Variants in TOGARAM1 observed in about 807,000 individuals in gnomAD.
TOGARAM1 encodes the protein TOG array regulator of axonemal microtubules protein 1.
A neutral mutation model predicts 166.6 loss-of-function variants in TOGARAM1; 100 were observed. That is an observed-to-expected ratio of 0.60 (90% CI 0.51 to 0.71). The LOEUF (loss-of-function observed/expected upper bound fraction) is 0.71. Among genes scored for constraint, TOGARAM1 ranks in the 30% least tolerant of loss-of-function variants. The pLI is 0.00. For missense variants in TOGARAM1, 2,029 were observed against 2,102.7 expected, an observed-to-expected ratio of 0.96 and a Z score of 0.69; for synonymous variants, 758 against 763.8, an observed-to-expected ratio of 0.99 and a Z score of 0.13.
At position 45,027,452 on chromosome 14, in the gene TOGARAM1, T is replaced by C. The variant is rs774794702; in HGVS notation, c.3482T>C (p.Leu1161Pro). 6.2e-7 allele frequency: 1 copy of C among 1,606,756 alleles called. No homozygotes were observed. The highest frequency in any genetic ancestry group is 1.1e-5 in the South Asian group (1 of 89,116). Residue 1161 changes from leucine to proline, a missense_variant, in exon 9 of 20, where the codon CTT becomes CCT. Physicochemically the swap from Leu to Pro is moderately conservative, Grantham distance 98. This residue lies in a region of TOGARAM1 where 1,453 missense variants were observed against 1,432.2 expected (regional missense o/e 1.01). Transcript: ENST00000361462. Reference sequence around the variant, plus strand: ...GTCCAGCAAAATATTTCATCATATCTTGATGTTGAGAATGAAAAAGATGTA... The same window carrying C: ...GTCCAGCAAAATATTTCATCATATCCTGATGTTGAGAATGAAAAAGATGTA... ...RSVQQNISSY[L>P]DVENEKDAKV...
At chr14:44,993,793 C>A (rs1887266237) in intron 1 of TOGARAM1, among the ~76,000 whole-genome samples, 1 of 152,176 alleles carries the variant, frequency 6.6e-6, no homozygotes, top group Non-Finnish European at 1.5e-5. Context: ...GCACACACCA[C>A]CACCCTCATC....
chr14:45,038,710 C>T (rs1161952942), intron 11 of TOGARAM1, among the ~76,000 whole-genome samples: 5 of 152,196 alleles, frequency 3.3e-5, no homozygotes, highest in Non-Finnish European at 7.3e-5. Flanking sequence ...TTCTCACCTT[C>T]TCGTTGCCCA....
chr14:44,971,330 T>C (rs555564582), intron 1 of TOGARAM1, among the ~76,000 whole-genome samples: 73 of 152,304 alleles, frequency 4.8e-4, no homozygotes, highest in Middle Eastern at 3.4e-3. Context: ...GGTTACCCAA[T>C]TTATAAGCAT....
chr14:45,019,331 A>C lies in TOGARAM1; in HGVS notation c.3239-6452A>C, dbSNP rs540893386. Among the ~76,000 whole-genome samples the C allele has an allele frequency of 2.6e-5, 4 of 152,080 alleles. No individual in the cohort carries two copies. The South Asian group carries it at 8.3e-4, about 32-fold the overall frequency. On this transcript the variant is annotated intron_variant, in intron 7 of 19. Coordinates refer to ENST00000361462, the MANE Select transcript of TOGARAM1 (RefSeq NM_001308120.2). ...CTGGTAAGGCTTCCCTCTTATTTTCATTCCTCTTAAATCCAGGCTGCATAG... is the reference window on the plus strand; with the variant it reads ...CTGGTAAGGCTTCCCTCTTATTTTCCTTCCTCTTAAATCCAGGCTGCATAG...
intron 10 of TOGARAM1, among the ~76,000 whole-genome samples, chr14:45,029,297 A>G (rs80156152): frequency 0.04 from 6,069 of 152,296 alleles, 208 homozygotes; most frequent in East Asian, 0.12. Context: ...CTTCCTACCT[A>G]ACTTAGCCAG....
intron 16 of TOGARAM1, among the ~76,000 whole-genome samples, chr14:45,063,476 A>T (rs1882991969): frequency 2.1e-5 from 3 of 141,104 alleles, no homozygotes; most frequent in Admixed American, 2.1e-4. Flanking sequence ...CTCATTTGAC[A>T]AAGTTTTTTT....
intron 7 of TOGARAM1, among the ~76,000 whole-genome samples, chr14:45,013,985 T>C (rs1879963936): frequency 1.3e-5 from 2 of 151,856 alleles, no homozygotes; most frequent in Non-Finnish European, 2.9e-5. Flanking sequence ...AGTGATCTCA[T>C]AATAGTATAA....
At chr14:44,990,080 G>T (rs1359156837) in intron 1 of TOGARAM1, among the ~76,000 whole-genome samples, 3 of 152,224 alleles carry the variant, frequency 2.0e-5, no homozygotes, top group Non-Finnish European at 4.4e-5. Context: ...CCCTTGATAT[G>T]TGGGGATTAT....
chr14:44,979,926 A>T (rs1171666388), intron 1 of TOGARAM1, among the ~76,000 whole-genome samples: 1 of 152,158 alleles, frequency 6.6e-6, no homozygotes, highest in Non-Finnish European at 1.5e-5. Context: ...GAGTGTGCTT[A>T]GTATGTGATT....
chr14:44,964,095 G>T lies in TOGARAM1; in HGVS notation c.1674G>T (p.Leu558=). 1 of 1,614,184 alleles carries T rather than the reference G, an allele frequency of 6.2e-7. No individual in the cohort carries two copies. ...ILFKAVDTVE[L]QDNGDGVMNA... ...TTAAAGCTGTGGATACAGTTGAACT[G>T]CAAGATAATGGAGATGGAGTGATGA... The change falls in exon 1 of 20, where the codon CTG becomes CTT. Residue 558 remains leucine, a synonymous_variant. Transcript: ENST00000361462.
chr14:44,963,241 G>C lies in TOGARAM1; in HGVS notation c.820G>C (p.Glu274Gln), dbSNP rs749828747. 6.2e-7 allele frequency: 1 copy of C among 1,614,180 alleles called. No individual in the cohort carries two copies. The highest frequency in any genetic ancestry group is 1.1e-5 in the South Asian group (1 of 91,084). The change falls in exon 1 of 20, where the codon GAG becomes CAG. Residue 274 changes from glutamate to glutamine, a missense_variant. Coordinates refer to ENST00000361462, the MANE Select transcript of TOGARAM1 (RefSeq NM_001308120.2). ...TGATCAGGAGACAGAAGAAGAATCT[G>C]AGACAGCTTTCTCCGCACTTCAACA... ...LGDQETEEES[E>Q]TAFSALQQIG...
At chr14:44,986,788 C>T (rs1181692481) in intron 1 of TOGARAM1, among the ~76,000 whole-genome samples, 3 of 151,126 alleles carry the variant, frequency 2.0e-5, no homozygotes, top group African/African-American at 4.9e-5. Flanking sequence ...GGGCAGATCA[C>T]GAGGTCAGGA....
chr14:45,049,736 A>G (rs28520409), intron 14 of TOGARAM1, among the ~76,000 whole-genome samples: 7,064 of 152,208 alleles, frequency 0.046, 535 homozygotes, highest in African/African-American at 0.16. Context: ...TTAAAGTTCT[A>G]CATATCACGT....
intron 16 of TOGARAM1, 48 bp downstream of exon 16, chr14:45,054,597 A>AG: frequency 7.6e-7 from 1 of 1,315,002 alleles, no homozygotes; most frequent in Non-Finnish European, 1.1e-6. Context: ...CCCTTGTGAT[A>AG]GTAGTCTCAT....
intron 11 of TOGARAM1, among the ~76,000 whole-genome samples, chr14:45,037,720 C>T (rs920713313): frequency 7.2e-5 from 11 of 151,994 alleles, no homozygotes; most frequent in African/African-American, 2.4e-4. Flanking sequence ...ATTAATAGAA[C>T]AAGTTGAAAG....
chr14:44,969,628 A>G (rs1885773673), intron 1 of TOGARAM1, among the ~76,000 whole-genome samples: 1 of 152,162 alleles, frequency 6.6e-6, no homozygotes, highest in African/African-American at 2.4e-5. Flanking sequence ...CACCATACCC[A>G]AGGTCATCTA....
chr14:44,975,835 A>G (rs1043167716), intron 1 of TOGARAM1, among the ~76,000 whole-genome samples: 3 of 151,076 alleles, frequency 2.0e-5, no homozygotes, highest in African/African-American at 7.3e-5. Context: ...GTGACTCAAA[A>G]CAACACAGCT....
At chr14:45,008,312 C>T (rs1879584453) in intron 5 of TOGARAM1, among the ~76,000 whole-genome samples, 1 of 149,620 alleles carries the variant, frequency 6.7e-6, no homozygotes, top group African/African-American at 2.5e-5. Flanking sequence ...AATCTCGGCT[C>T]ATTGCAACCT....
chr14:45,012,057 G>A lies in TOGARAM1; in HGVS notation c.3220G>A (p.Glu1074Lys). 6.2e-7 allele frequency: 1 copy of A among 1,607,228 alleles called. No homozygotes were observed. The highest frequency in any genetic ancestry group is 1.1e-5 in the South Asian group (1 of 89,978). The change falls in exon 7 of 20, where the codon GAA (glutamate) becomes AAA (lysine). Residue 1074 changes from glutamate to lysine, a missense_variant. Coordinates refer to ENST00000361462, the MANE Select transcript of TOGARAM1 (RefSeq NM_001308120.2). ...SAKKKISHIAEQSPSAGSSSN... is the reference protein window; with the variant it reads ...SAKKKISHIAKQSPSAGSSSN... Reference sequence around the variant, plus strand: ...AAAGAAAAAAATTTCTCATATTGCTGAACAAAGCCCCAGTGCAGGTATTCT... The same window carrying A: ...AAAGAAAAAAATTTCTCATATTGCTAAACAAAGCCCCAGTGCAGGTATTCT...
Sources: allele counts gnomAD v4.1 joint callset (sites outside exome capture counted in the v4.1 genomes callset), GRCh38; gene constraint gnomAD v4.1.1; regional missense constraint gnomAD v4.1.1; transcripts MANE v1.5; gene names NCBI Gene and HGNC (gene_info 2026-07-23, HGNC 2026-07-21).